The following GALNT7 variants were observed in gnomAD, a reference collection of about 807,000 sequenced individuals.
GALNT7 encodes the protein polypeptide N-acetylgalactosaminyltransferase 7.
A neutral mutation model predicts 82.1 loss-of-function variants in GALNT7; 60 were observed. The ratio of observed to expected loss-of-function variants is 0.73; its 90% CI spans 0.59 to 0.91. The LOEUF is 0.91. Among genes scored for constraint, GALNT7 ranks in the 40% least tolerant of loss-of-function variants. The pLI, the probability that GALNT7 is intolerant of heterozygous loss-of-function variation, is 0.00. For missense variants in GALNT7, 660 were observed against 804.2 expected (o/e 0.82, Z 2.17); for synonymous variants, 243 against 275.1 (o/e 0.88, Z 1.15).
intron 2 of GALNT7, among the ~76,000 whole-genome samples, chr4:173,252,765 C>T (rs1210987411): frequency 6.6e-6 from 1 of 152,070 alleles, no homozygotes; most frequent in Non-Finnish European, 1.5e-5. Context: ...ATGCACTGTC[C>T]CTGCCTTCAA....
At chr4:173,308,108 T>G (rs914294353) in intron 8 of GALNT7, among the ~76,000 whole-genome samples, 3 of 152,222 alleles carry the variant, frequency 2.0e-5, no homozygotes, top group African/African-American at 7.2e-5. Context: ...TCCTGTCCTA[T>G]GTAGATATTC....
At chr4:173,252,966 G>A (rs951222165) in intron 2 of GALNT7, among the ~76,000 whole-genome samples, 1 of 152,096 alleles carries the variant, frequency 6.6e-6, no homozygotes, top group Non-Finnish European at 1.5e-5. Context: ...TTCAGAGGCT[G>A]AGGTGGGCTG....
At chr4:173,268,147 G>A (rs201585282) in intron 2 of GALNT7, 31 of 154,872 alleles carry the variant, frequency 2.0e-4, no homozygotes, top group Non-Finnish European at 4.1e-4. Context: ...CAAGAGAAGT[G>A]AAGAAAAATG....
At chr4:173,246,305 G>A (rs1362663424) in intron 1 of GALNT7, among the ~76,000 whole-genome samples, 1 of 152,058 alleles carries the variant, frequency 6.6e-6, no homozygotes, top group Admixed American at 6.5e-5. Flanking sequence ...TTGTCCTTTG[G>A]ATTTATTTTT....
At chr4:173,251,524 A>C (rs900921006) in intron 2 of GALNT7, among the ~76,000 whole-genome samples, 2 of 152,156 alleles carry the variant, frequency 1.3e-5, no homozygotes, top group African/African-American at 4.8e-5. Flanking sequence ...CCTTGTCTAC[A>C]TCCTCTTGCT....
At chr4:173,209,755 G>C (rs544159457) in intron 1 of GALNT7, among the ~76,000 whole-genome samples, 2 of 152,334 alleles carry the variant, frequency 1.3e-5, no homozygotes, top group African/African-American at 4.8e-5. Context: ...TCCTTCGCCT[G>C]CCTGCCTTCC....
chr4:173,290,268 C>A (rs1284716897), intron 2 of GALNT7, among the ~76,000 whole-genome samples: 1 of 152,164 alleles, frequency 6.6e-6, no homozygotes, highest in East Asian at 1.9e-4. Flanking sequence ...ATGGAACAGC[C>A]ATACTATGGA....
At chr4:173,178,175 G>C (rs1320430822) in intron 1 of GALNT7, among the ~76,000 whole-genome samples, 1 of 151,904 alleles carries the variant, frequency 6.6e-6, no homozygotes, top group Non-Finnish European at 1.5e-5. Context: ...CTGAAATCTG[G>C]TGATTTGAAA....
intron 1 of GALNT7, among the ~76,000 whole-genome samples, chr4:173,178,107 TATATA>T (rs1280388057): frequency 1.3e-5 from 2 of 151,528 alleles, no homozygotes; most frequent in Non-Finnish European, 2.9e-5. Flanking sequence ...GTTGTGATCA[TATATA>T]ATACTATATA....
intron 2 of GALNT7, among the ~76,000 whole-genome samples, chr4:173,251,215 C>G (rs1247118459): frequency 6.6e-6 from 1 of 152,272 alleles, no homozygotes; most frequent in East Asian, 1.9e-4. Flanking sequence ...AACCTTGATG[C>G]CATCACTAGA....
intron 1 of GALNT7, among the ~76,000 whole-genome samples, chr4:173,187,693 C>T (rs1267757474): frequency 6.6e-6 from 1 of 152,162 alleles, no homozygotes; most frequent in Non-Finnish European, 1.5e-5. Flanking sequence ...CACTCTAAGG[C>T]TTTTAAACTT....
intron 9 of GALNT7, among the ~76,000 whole-genome samples, chr4:173,315,118 C>T (rs774056312): frequency 7.9e-5 from 12 of 152,326 alleles, no homozygotes; most frequent in South Asian, 2.1e-4. Context: ...AGGTGACATT[C>T]GCTCTCAGAT....
At chr4:173,198,115 A>G (rs1212738041) in intron 1 of GALNT7, among the ~76,000 whole-genome samples, 1 of 151,326 alleles carries the variant, frequency 6.6e-6, no homozygotes, top group Non-Finnish European at 1.5e-5. Context: ...GCTGGAGTGC[A>G]GTGGTGTGAT....
In GALNT7 at chr4:173,171,179, A is replaced by C. The variant is rs77748812; in HGVS notation, c.126+2218A>C. On this transcript the variant is annotated intron_variant, in intron 1 of 11. Coordinates refer to ENST00000265000, the MANE Select transcript of GALNT7 (RefSeq NM_017423.3). Reference sequence around the variant, plus strand: ...TGTAGCTTATAAATAATAAGAGCATAAATAAGGGATTATTGCCTTCCTTTA... The same window carrying C: ...TGTAGCTTATAAATAATAAGAGCATCAATAAGGGATTATTGCCTTCCTTTA... Among the ~76,000 whole-genome samples the C allele has an allele frequency of 7.9e-3, 1,202 of 152,318 alleles. 13 individuals carry two copies. The highest frequency in any genetic ancestry group is 0.028 in the African/African-American group (1,159 of 41,554).
At chr4:173,180,182 A>G (rs1489981711) in intron 1 of GALNT7, among the ~76,000 whole-genome samples, 1 of 152,174 alleles carries the variant, frequency 6.6e-6, no homozygotes, top group Admixed American at 6.6e-5. Flanking sequence ...TTTAAAAATG[A>G]CAGGAACAGT....
intron 1 of GALNT7, among the ~76,000 whole-genome samples, chr4:173,239,935 C>T (rs1734365964): frequency 6.6e-6 from 1 of 152,086 alleles, no homozygotes; most frequent in Admixed American, 6.5e-5. Flanking sequence ...GTACTATATA[C>T]TTCTGAGTAA....
chr4:173,299,341 C>T (rs769894503), intron 6 of GALNT7, among the ~76,000 whole-genome samples: 7 of 151,932 alleles, frequency 4.6e-5, no homozygotes, highest in Non-Finnish European at 1.0e-4. Context: ...CAACTGCTTA[C>T]GTGCTTAACT....
intron 10 of GALNT7, among the ~76,000 whole-genome samples, chr4:173,318,113 A>G (rs1261804361): frequency 6.6e-6 from 1 of 152,150 alleles, no homozygotes; most frequent in African/African-American, 2.4e-5. Context: ...TGTATATTTC[A>G]CTAATATATA....
chr4:173,267,476 G>A (rs1443782624), intron 2 of GALNT7, among the ~76,000 whole-genome samples: 1 of 152,130 alleles, frequency 6.6e-6, no homozygotes, highest in Non-Finnish European at 1.5e-5. Flanking sequence ...CTTCTGCAGC[G>A]CCAGGAAACC....
Sources: gnomAD v4.1 joint callset for allele counts (sites outside exome capture counted in the v4.1 genomes callset) on GRCh38, gnomAD v4.1.1 for gene constraint, MANE v1.5 for transcripts, NCBI Gene and HGNC (gene_info 2026-07-23, HGNC 2026-07-21) for gene names.